NPHP4: variants seen among roughly 807,000 people sequenced by gnomAD.
NPHP4 encodes the protein nephrocystin-4.
In NPHP4, 151 loss-of-function variants were observed where a neutral mutation model predicts 155.8. That is an observed-to-expected ratio of 0.97 (90% CI 0.85 to 1.11). NPHP4 has a LOEUF of 1.11. Ranked by LOEUF, NPHP4 falls within the 50% of genes least tolerant of loss-of-function variation. The probability of loss-of-function intolerance (pLI) is 0.00; values close to 1 mark genes in which losing one functional copy is unlikely to be tolerated. For synonymous variants in NPHP4, 845 were observed against 816.8 expected (o/e 1.03, Z -0.59); for missense variants, 1,956 against 1,925.7 (o/e 1.02, Z -0.29).
At chr1:5,948,661 C>G (rs1647301846) in intron 7 of NPHP4, among the ~76,000 whole-genome samples, 1 of 152,128 alleles carries the variant, frequency 6.6e-6, no homozygotes, top group African/African-American at 2.4e-5. Context: ...GGCTGCTTCC[C>G]CAGAGCCCCC....
chr1:5,901,975 C>T (rs1455540750), intron 16 of NPHP4, among the ~76,000 whole-genome samples: 3 of 152,150 alleles, frequency 2.0e-5, no homozygotes, highest in Non-Finnish European at 4.4e-5. Flanking sequence ...AGGCCACACC[C>T]CTGGTTGGCC....
chr1:5,901,274 AAT>A (rs1475555143), intron 16 of NPHP4, among the ~76,000 whole-genome samples: 1 of 152,236 alleles, frequency 6.6e-6, no homozygotes, highest in Non-Finnish European at 1.5e-5. Flanking sequence ...AACAACAACA[AAT>A]ATCTTTTAAG....
intron 16 of NPHP4, among the ~76,000 whole-genome samples, chr1:5,896,359 G>T (rs1175527296): frequency 6.6e-6 from 1 of 152,174 alleles, no homozygotes; most frequent in Non-Finnish European, 1.5e-5. Context: ...CTGGAGCTAA[G>T]AATTATTTTG....
At chr1:5,973,026 G>A (rs182527372) in intron 3 of NPHP4, among the ~76,000 whole-genome samples, 130 of 152,130 alleles carry the variant, frequency 8.5e-4, no homozygotes, top group African/African-American at 2.5e-3. Flanking sequence ...CTGGGATTAC[G>A]CGTGTGTGCC....
chr1:5,958,162 T>A (rs1649593627), intron 6 of NPHP4, among the ~76,000 whole-genome samples: 1 of 152,246 alleles, frequency 6.6e-6, no homozygotes, highest in African/African-American at 2.4e-5. Flanking sequence ...CACATGAACT[T>A]CGTGGTTTTA....
At chr1:5,947,892 C>G (rs1647196486) in intron 8 of NPHP4, among the ~76,000 whole-genome samples, 178 bp downstream of exon 8, 1 of 152,170 alleles carries the variant, frequency 6.6e-6, no homozygotes, top group South Asian at 2.1e-4. Context: ...AAGGGGGGGG[C>G]TTTTTCCAAA....
At chr1:5,940,299 C>A (rs531277577) in intron 9 of NPHP4, among the ~76,000 whole-genome samples, 1 of 152,034 alleles carries the variant, frequency 6.6e-6, no homozygotes, top group Non-Finnish European at 1.5e-5. Context: ...TTTGCCCTTT[C>A]GCTAGGGAGT....
At position 5,867,112 on chromosome 1, in the gene NPHP4, G is replaced by A. The variant is rs369021103; in HGVS notation, c.3476C>T (p.Ala1159Val). ...RLPPWHTFPG[A>V]PVGMLGEDPP... ...GTCCTCACCAAGCATTCCCACCGGA[G>A]CACCTGGAGCAGGGGAAATGTCAAA... The change falls in exon 25 of 30, where the codon GCT becomes GTT. Residue 1159 changes from alanine (A) to valine (V), a missense_variant. Ala to Val is a moderately conservative substitution (Grantham distance 64). Coordinates refer to ENST00000378156, the MANE Select transcript of NPHP4 (RefSeq NM_015102.5). This position sits in a 1 kb window ranked among gnomAD's most constrained non-coding sequence, Gnocchi z 4.1. 3.1e-6 allele frequency: 5 copies of A among 1,610,508 alleles called. No homozygotes were observed. The highest frequency in any genetic ancestry group is 1.7e-5 in the Admixed American group (1 of 59,510).
chr1:5,877,412 G>A lies in NPHP4; in HGVS notation c.2612-114C>T, dbSNP rs576496990. 1.2e-4 allele frequency: 85 copies of A among 729,346 alleles called. 1 individual carries two copies. The African/African-American group carries it at 1.2e-3, about 10-fold the overall frequency. 45.2% of individuals were successfully genotyped at this position (729,346 alleles called of 1,614,324 possible). A position where few individuals can be genotyped will look rare whatever the true frequency, so the allele number is the denominator to read the frequency against. ...ATATAGGGAGGGAGCTCAAGAGTGCGGCTCATGCTTTTTGCAGCTCCAATC... is the reference window on the plus strand; with the variant it reads ...ATATAGGGAGGGAGCTCAAGAGTGCAGCTCATGCTTTTTGCAGCTCCAATC... On this transcript the variant is annotated intron_variant, in intron 19 of 29. Transcript: ENST00000378156.
chr1:5,978,870 G>A (rs1654168129), intron 2 of NPHP4, among the ~76,000 whole-genome samples: 1 of 152,188 alleles, frequency 6.6e-6, no homozygotes, highest in South Asian at 2.1e-4. Flanking sequence ...TTTTGGATGG[G>A]TTTGTTAATC....
rs762202268 is a variant in NPHP4 at position 5,874,891 on chromosome 1, G to C, written c.3027C>G (p.Ile1009Met). Residue 1009 changes from isoleucine to methionine, a missense_variant, in exon 21 of 30, where the codon ATC (isoleucine) becomes ATG (methionine). Transcript: ENST00000378156. ...GACCTCACCTGAGCTCGGGGTTGTC[G>C]ATCTCCACAGTCACCGTGTGCTGTG... ...HNTQHTVTVEIDNPELSVIVD... is the reference protein window; with the variant it reads ...HNTQHTVTVEMDNPELSVIVD... 3 of 1,613,738 alleles carry C rather than the reference G, an allele frequency of 1.9e-6. No individual in the cohort carries two copies. Among genetic ancestry groups the C allele is most frequent in the Non-Finnish European group, 1.7e-6 (2 of 1,179,788 alleles).
rs536570439 is a variant in NPHP4, at chr1:5,864,092, T to G, written c.3997-59A>C. 8.3e-6 allele frequency: 13 copies of G among 1,573,212 alleles called. No individual in the cohort carries two copies. In the South Asian group the frequency reaches 1.4e-4, roughly 17 times the overall value. ...CACTCACGGGAACAGCCACTGGCCC[T>G]TCCTCCAAGTATTCCCTGAGTCTCC... On this transcript the variant is annotated intron_variant, in intron 28 of 29. Transcript: ENST00000378156.
At chr1:5,972,216 T>C (rs1182218719) in intron 3 of NPHP4, among the ~76,000 whole-genome samples, 1 of 152,232 alleles carries the variant, frequency 6.6e-6, no homozygotes, top group Non-Finnish European at 1.5e-5. Context: ...AGAACTGTTT[T>C]AATAAGCCTT....
Position 5,874,476 on chromosome 1 carries a change from C to G in NPHP4, c.3226G>C (p.Val1076Leu), listed in dbSNP as rs766365388. The G allele has an allele frequency of 1.0e-5, 16 of 1,546,344 alleles. No individual in the cohort carries two copies. In the Admixed American group the frequency reaches 3.2e-4, roughly 31 times the overall value. Reference sequence around the variant, plus strand: ...TGTGTGCCTGACACCCGCACCTGCACCATGGCCAGCTGCCCTGCAGAGAAG... The same window carrying G: ...TGTGTGCCTGACACCCGCACCTGCAGCATGGCCAGCTGCCCTGCAGAGAAG... Reference protein sequence around the residue: ...QSFSAGQLAMVQASPGLSNEK... With the variant: ...QSFSAGQLAMLQASPGLSNEK... Residue 1076 changes from valine (V) to leucine (L), a missense_variant, in exon 22 of 30, where the codon GTG becomes CTG. Physicochemically the swap from Val to Leu is conservative, Grantham distance 32. Transcript: ENST00000378156.
At chr1:5,984,321 T>G (rs182466329) in intron 2 of NPHP4, among the ~76,000 whole-genome samples, 1 of 152,176 alleles carries the variant, frequency 6.6e-6, no homozygotes, top group African/African-American at 2.4e-5. Flanking sequence ...TCACCTGAGC[T>G]CAGGAGTTTG....
intron 26 of NPHP4, 123 bp from the exon 27 acceptor site, chr1:5,865,396 AC>A: frequency 1.1e-6 from 1 of 893,284 alleles, no homozygotes; most frequent in Non-Finnish European, 1.6e-6. Context: ...GCCCCAGAGG[AC>A]CAGGCCACAG....
Position 5,875,097 on chromosome 1 carries a change from G to A in NPHP4, c.2821C>T (p.Gln941Ter). Residue 941 changes from glutamine (Q) to a stop codon, truncating the protein, a stop_gained, in exon 21 of 30, where the codon CAG (glutamine) becomes TAG (stop). Coordinates refer to ENST00000378156, the MANE Select transcript of NPHP4 (RefSeq NM_015102.5). LOFTEE classifies it high-confidence loss of function. ...LGRRGTSVLA[Q>*]QSVRTQHLRD... The stretch of plus-strand genomic sequence containing the variant: ...AAGTGCTGTGTGCGGACGCTCTGCT[G>A]CGCCTGCAGACAAGAGGACATGGGT... The A allele has an allele frequency of 6.3e-7, 1 of 1,599,432 alleles. No individual in the cohort carries two copies. Among genetic ancestry groups the A allele is most frequent in the Non-Finnish European group, 8.5e-7 (1 of 1,176,722 alleles).
chr1:5,961,791 T>C lies in NPHP4; in HGVS notation c.673+3A>G, dbSNP rs1430485004. ...AAGTGGAGAGAATCAAAGACGCCCT[T>C]ACCGGATTCTCCATGAGCTGGAAGC... On this transcript the variant is annotated splice_donor_region_variant and intron_variant, in intron 6 of 29. Coordinates refer to ENST00000378156, the MANE Select transcript of NPHP4 (RefSeq NM_015102.5). 2 of 1,610,184 alleles carry C rather than the reference T, an allele frequency of 1.2e-6. No individual in the cohort carries two copies. The highest frequency in any genetic ancestry group is 2.2e-5 in the East Asian group (1 of 44,792).
intron 2 of NPHP4, among the ~76,000 whole-genome samples, chr1:5,983,843 G>A (rs1415240989): frequency 6.6e-6 from 1 of 152,162 alleles, no homozygotes; most frequent in Admixed American, 6.5e-5. Flanking sequence ...TAGTATAGAT[G>A]CAAAGCTTTC....
Sources: gnomAD v4.1 joint callset for allele counts (sites outside exome capture counted in the v4.1 genomes callset) on GRCh38, gnomAD v4.1.1 for gene constraint, Gnocchi (gnomAD v3.1) non-coding constraint, MANE v1.5 for transcripts, NCBI Gene and HGNC (gene_info 2026-07-23, HGNC 2026-07-21) for gene names.